The following SLC25A21 variants were observed in gnomAD, a reference collection of about 807,000 sequenced individuals.
SLC25A21 encodes the protein solute carrier family 25 member 21, also known as mitochondrial 2-oxodicarboxylate carrier.
SLC25A21 carries 47 observed loss-of-function variants against 43.8 expected under a neutral mutation model. The observed-to-expected ratio is 1.07, with a 90% CI of 0.85 to 1.37. The LOEUF (loss-of-function observed/expected upper bound fraction) is 1.37, where lower values mean the gene tolerates loss of function less well. Among genes scored for constraint, SLC25A21 ranks in the 40% most tolerant of loss-of-function variants. The pLI, the probability that SLC25A21 is intolerant of heterozygous loss-of-function variation, is 0.00. For synonymous variants in SLC25A21, 131 were observed against 121.3 expected, an observed-to-expected ratio of 1.08 and a Z score of -0.52; for missense variants, 352 against 350.2, an observed-to-expected ratio of 1.00 and a Z score of -0.04.
At chr14:36,811,651 C>CA (rs975541296) in intron 3 of SLC25A21, among the ~76,000 whole-genome samples, 9 of 150,962 alleles carry the variant, frequency 6.0e-5, no homozygotes, top group African/African-American at 9.7e-5. Flanking sequence ...GAGTCCGTCT[C>CA]AAAAAAAACC....
intron 3 of SLC25A21, among the ~76,000 whole-genome samples, chr14:36,801,657 TGTGGTGTCTGAAACCAAGAG>T (rs1887873025): frequency 6.6e-6 from 1 of 152,238 alleles, no homozygotes; most frequent in African/African-American, 2.4e-5. Context: ...CAAGCTACTC[TGTGGTGTCTGAAACCAAGAG>T]TCTCTATAAT....
At chr14:36,803,514 T>C (rs922546435) in intron 3 of SLC25A21, among the ~76,000 whole-genome samples, 1 of 152,202 alleles carries the variant, frequency 6.6e-6, no homozygotes, top group African/African-American at 2.4e-5. Flanking sequence ...AGAGGTTTTA[T>C]GTAAAAAAAA....
chr14:36,794,766 T>TAA (rs1566620726), intron 3 of SLC25A21, among the ~76,000 whole-genome samples: 1 of 138,932 alleles, frequency 7.2e-6, no homozygotes, highest in Non-Finnish European at 1.6e-5. Flanking sequence ...AAGACTCCAT[T>TAA]TAAAAAAAAA....
intron 1 of SLC25A21, among the ~76,000 whole-genome samples, chr14:37,066,411 G>A (rs1484542163): frequency 3.9e-5 from 6 of 152,152 alleles, no homozygotes. Flanking sequence ...CATGGCACTG[G>A]AGAGGAATAA....
chr14:37,018,146 C>T (rs993029048), intron 1 of SLC25A21, among the ~76,000 whole-genome samples: 2 of 151,710 alleles, frequency 1.3e-5, no homozygotes, highest in African/African-American at 4.8e-5. Flanking sequence ...TAAGAAAGAA[C>T]AAATAGTAAA....
intron 1 of SLC25A21, among the ~76,000 whole-genome samples, chr14:36,974,484 C>A (rs558457188): frequency 6.6e-6 from 1 of 152,134 alleles, no homozygotes. Context: ...TAGGTGGCTA[C>A]CAAATATTCT....
chr14:36,699,003 C>A (rs982930485), intron 7 of SLC25A21, among the ~76,000 whole-genome samples: 1 of 152,048 alleles, frequency 6.6e-6, no homozygotes, highest in Non-Finnish European at 1.5e-5. Context: ...TAGAAGCACT[C>A]TGATTTTTAG....
chr14:36,815,818 TTATTGTTCCTG>T (rs1439554226), intron 2 of SLC25A21, among the ~76,000 whole-genome samples: 2 of 152,270 alleles, frequency 1.3e-5, no homozygotes, highest in East Asian at 3.9e-4. Flanking sequence ...GTGCTTTACT[TTATTGTTCCTG>T]TTGTAAGTTA....
chr14:36,910,712 T>C (rs1891665116), intron 1 of SLC25A21, among the ~76,000 whole-genome samples: 1 of 152,198 alleles, frequency 6.6e-6, no homozygotes, highest in Admixed American at 6.5e-5. Context: ...GGTCTTCTCC[T>C]AGAAGTATCA....
intron 1 of SLC25A21, among the ~76,000 whole-genome samples, chr14:36,913,612 G>A (rs1891750155): frequency 6.6e-6 from 1 of 152,168 alleles, no homozygotes; most frequent in African/African-American, 2.4e-5. Flanking sequence ...TTGAATAGAT[G>A]TTTACAATCT....
chr14:36,787,632 T>C (rs144892020), intron 3 of SLC25A21, among the ~76,000 whole-genome samples: 267 of 152,340 alleles, frequency 1.8e-3, no homozygotes, highest in African/African-American at 5.9e-3. Flanking sequence ...GTATAAATGT[T>C]AATAAAATGG....
intron 1 of SLC25A21, among the ~76,000 whole-genome samples, chr14:37,101,182 G>C (rs1436048058): frequency 6.6e-6 from 1 of 152,186 alleles, no homozygotes; most frequent in Non-Finnish European, 1.5e-5. Flanking sequence ...TAGTTGAGCA[G>C]ATTCTGTAAT....
intron 2 of SLC25A21, among the ~76,000 whole-genome samples, chr14:36,872,166 T>C (rs1030843419): frequency 6.6e-6 from 1 of 152,196 alleles, no homozygotes; most frequent in African/African-American, 2.4e-5. Flanking sequence ...TAAGGAGAAG[T>C]ATACTGAATT....
At chr14:36,891,624 A>T (rs1200229653) in intron 1 of SLC25A21, among the ~76,000 whole-genome samples, 1 of 152,196 alleles carries the variant, frequency 6.6e-6, no homozygotes, top group Non-Finnish European at 1.5e-5. Flanking sequence ...TAGCACCAGC[A>T]AAATCTATTC....
At chr14:37,025,404 T>C (rs1961072373) in intron 1 of SLC25A21, among the ~76,000 whole-genome samples, 1 of 152,158 alleles carries the variant, frequency 6.6e-6, no homozygotes, top group African/African-American at 2.4e-5. Flanking sequence ...TCTTGGCATG[T>C]GCCTGTTGAT....
chr14:36,875,360 A>G (rs1890490270), intron 1 of SLC25A21, among the ~76,000 whole-genome samples: 1 of 152,178 alleles, frequency 6.6e-6, no homozygotes, highest in African/African-American at 2.4e-5. Context: ...GGGAGGAAAG[A>G]AAAGAAGGAA....
At chr14:37,058,575 C>A (rs773349869) in intron 1 of SLC25A21, among the ~76,000 whole-genome samples, 6 of 152,142 alleles carry the variant, frequency 3.9e-5, no homozygotes, top group Non-Finnish European at 8.8e-5. Flanking sequence ...TGTCTAAGGC[C>A]TTTTCCAATT....
intron 1 of SLC25A21, among the ~76,000 whole-genome samples, chr14:36,897,905 A>G (rs1891289884): frequency 1.3e-5 from 2 of 152,164 alleles, no homozygotes; most frequent in Non-Finnish European, 2.9e-5. Context: ...GTTTTGTCTC[A>G]GAGGAGTACC....
chr14:36,710,894 A>G (rs1333024346), intron 7 of SLC25A21, among the ~76,000 whole-genome samples: 1 of 152,070 alleles, frequency 6.6e-6, no homozygotes, highest in South Asian at 2.1e-4. Context: ...TAGGCCAACA[A>G]TTTTTCCTTG....
Sources: allele counts gnomAD v4.1 joint callset (sites outside exome capture counted in the v4.1 genomes callset), GRCh38; gene constraint gnomAD v4.1.1; transcripts MANE v1.5; gene names NCBI Gene and HGNC (gene_info 2026-07-23, HGNC 2026-07-21).